The following TRERF1 variants were observed in gnomAD, a reference collection of about 807,000 sequenced individuals.
TRERF1 encodes the protein transcriptional regulating factor 1.
TRERF1 carries 27 observed loss-of-function variants against 122.9 expected under a neutral mutation model. That is an observed-to-expected ratio of 0.22 (90% CI 0.16 to 0.30). The LOEUF is 0.30. Among genes scored for constraint, TRERF1 ranks in the 10% least tolerant of loss-of-function variants. TRERF1 has a pLI of 1.00. For missense variants in TRERF1, 1,248 were observed against 1,560.3 expected (o/e 0.80, Z 3.37); for synonymous variants, 636 against 641.7 (o/e 0.99, Z 0.13).
At chr6:42,299,657 A>G (rs1216886248) in intron 4 of TRERF1, among the ~76,000 whole-genome samples, 1 of 152,226 alleles carries the variant, frequency 6.6e-6, no homozygotes, top group Non-Finnish European at 1.5e-5. Context: ...TCCAATATTT[A>G]AAGATGTTTT....
intron 3 of TRERF1, among the ~76,000 whole-genome samples, chr6:42,335,413 A>G (rs1765958728): frequency 6.6e-6 from 1 of 152,228 alleles, no homozygotes; most frequent in South Asian, 2.1e-4. Flanking sequence ...CTCATTTAGT[A>G]ACGCCACAAG....
chr6:42,386,464 A>G (rs1776837769), intron 2 of TRERF1, among the ~76,000 whole-genome samples: 1 of 152,188 alleles, frequency 6.6e-6, no homozygotes. Flanking sequence ...AAAGAAAGAA[A>G]GAAAAAAGCA....
chr6:42,370,393 G>A (rs1005275377), intron 2 of TRERF1, among the ~76,000 whole-genome samples: 4 of 152,008 alleles, frequency 2.6e-5, no homozygotes, highest in South Asian at 2.1e-4. Flanking sequence ...GTTATGTTTT[G>A]TTTACATAAC....
At chr6:42,293,964 G>A (rs899362112) in intron 4 of TRERF1, among the ~76,000 whole-genome samples, 1 of 152,064 alleles carries the variant, frequency 6.6e-6, no homozygotes, top group African/African-American at 2.4e-5. Flanking sequence ...CCAGGACACT[G>A]AACAATCTTG....
chr6:42,257,790 G>A (rs1777041915), intron 10 of TRERF1, among the ~76,000 whole-genome samples: 1 of 152,238 alleles, frequency 6.6e-6, no homozygotes, highest in South Asian at 2.1e-4. Context: ...AATTGGGGAG[G>A]AGGGAAGTGA....
Position 42,299,200 on chromosome 6 carries a change from T to TTCTATCTATCTA in TRERF1, c.-259+1426_-259+1437dup, listed in dbSNP as rs70987591. Among the ~76,000 whole-genome samples the TTCTATCTATCTA allele has an allele frequency of 5.5e-3, 805 of 146,698 alleles. 2 individuals carry two copies. Among genetic ancestry groups the TTCTATCTATCTA allele is most frequent in the South Asian group, 9.1e-3 (41 of 4,508 alleles). Reference sequence around the variant, plus strand: ...AAAAACACACATAGAGTCTGTTTTTTTCTATCTATCTATCTATCTATCTAT... The same window carrying TTCTATCTATCTA: ...AAAAACACACATAGAGTCTGTTTTTTTCTATCTATCTATCTATCTATCTATCTATCTATCTAT... On this transcript the variant is annotated intron_variant, in intron 4 of 17. Transcript: ENST00000372922.
intron 2 of TRERF1, among the ~76,000 whole-genome samples, chr6:42,365,478 T>C (rs964766140): frequency 5.3e-5 from 8 of 152,062 alleles, no homozygotes; most frequent in South Asian, 2.1e-4. Context: ...CATACTCCAC[T>C]CCCCTAATCC....
intron 4 of TRERF1, among the ~76,000 whole-genome samples, chr6:42,298,764 A>G (rs1281906270): frequency 6.6e-6 from 1 of 151,980 alleles, no homozygotes; most frequent in African/African-American, 2.4e-5. Context: ...ACATGGTGAA[A>G]TCCCATCTCT....
chr6:42,250,583 T>C (rs1199990135), intron 13 of TRERF1, among the ~76,000 whole-genome samples: 1 of 151,910 alleles, frequency 6.6e-6, no homozygotes, highest in Non-Finnish European at 1.5e-5. Context: ...ATCCTTCAAC[T>C]ACCCCCCACA....
chr6:42,268,049 G>A lies in TRERF1; in HGVS notation c.1437+105C>T. ...GGTTAATGTTTGTGGAATTAGTAAAGAACAAAAGGGTTGAGGGGGCTTGGA... is the reference window on the plus strand; with the variant it reads ...GGTTAATGTTTGTGGAATTAGTAAAAAACAAAAGGGTTGAGGGGGCTTGGA... On this transcript the variant is annotated intron_variant, in intron 5 of 17. Transcript: ENST00000372922. This position sits in a 1 kb window ranked among gnomAD's most constrained non-coding sequence, Gnocchi z 4.4. 3 of 1,304,996 alleles carry A rather than the reference G, an allele frequency of 2.3e-6. No homozygotes were observed. Among genetic ancestry groups the A allele is most frequent in the Non-Finnish European group, 3.0e-6 (3 of 1,004,764 alleles). 80.8% of individuals were successfully genotyped at this position (1,304,996 alleles called of 1,614,324 possible). A position where few individuals can be genotyped will look rare whatever the true frequency, so the allele number is the denominator to read the frequency against.
rs1053984985 is a variant in TRERF1 at position 42,447,756 on chromosome 6, G to A, written c.-454+3421C>T. 2.6e-5 allele frequency among the ~76,000 whole-genome samples: 4 copies of A among 152,152 alleles called. No homozygotes were observed. The South Asian group carries it at 8.3e-4, about 32-fold the overall frequency. On this transcript the variant is annotated intron_variant, in intron 2 of 17. Coordinates refer to ENST00000372922, the Ensembl canonical transcript of TRERF1. ...GTCTCGCTCTGTCACCCAGGCTGGAGTGCAATGGCATGATCTCGGCTCACT... is the reference window on the plus strand; with the variant it reads ...GTCTCGCTCTGTCACCCAGGCTGGAATGCAATGGCATGATCTCGGCTCACT...
In TRERF1 at chr6:42,386,570, A is replaced by T. The variant is rs77446636; in HGVS notation, c.-453-23491T>A. On this transcript the variant is annotated intron_variant, in intron 2 of 17. Coordinates refer to ENST00000372922, the Ensembl canonical transcript of TRERF1. ...GTAGCACTTGGCATGGAGCGTGGAC[A>T]AAAGGCACTGGATTAGAGAATTAAT... 5.3e-3 allele frequency among the ~76,000 whole-genome samples: 815 copies of T among 152,372 alleles called. 6 individuals carry two copies. The highest frequency in any genetic ancestry group is 0.018 in the African/African-American group (754 of 41,592).
Position 42,254,809 on chromosome 6 carries a change from G to A in TRERF1, c.2656+42C>T, listed in dbSNP as rs550280293. On this transcript the variant is annotated intron_variant, in intron 13 of 17. Coordinates refer to ENST00000372922, the Ensembl canonical transcript of TRERF1. ...ACACAACCGAACATGCAAGCAGCCCGTCGTCAGGAGGCAACAGGACACAGG... is the reference window on the plus strand; with the variant it reads ...ACACAACCGAACATGCAAGCAGCCCATCGTCAGGAGGCAACAGGACACAGG... 589 of 1,577,280 alleles carry A rather than the reference G, an allele frequency of 3.7e-4. 8 individuals carry two copies. In the South Asian group the frequency reaches 5.7e-3, roughly 15 times the overall value.
intron 3 of TRERF1, among the ~76,000 whole-genome samples, chr6:42,314,144 A>G (rs1762122144): frequency 6.6e-6 from 1 of 152,062 alleles, no homozygotes. Context: ...CAAACTAATT[A>G]CTTTTAGACA....
intron 3 of TRERF1, among the ~76,000 whole-genome samples, chr6:42,328,931 G>A (rs771751843): frequency 1.3e-4 from 20 of 152,034 alleles, no homozygotes; most frequent in African/African-American, 3.9e-4. Context: ...CCAGGTCTCC[G>A]GGAAGTCACT....
chr6:42,375,176 G>A (rs369913006), intron 2 of TRERF1, among the ~76,000 whole-genome samples: 1 of 152,060 alleles, frequency 6.6e-6, no homozygotes, highest in Admixed American at 6.5e-5. Context: ...ACACAATGGG[G>A]CGCCAACAAA....
chr6:42,251,009 T>TC (rs895424481), intron 13 of TRERF1, among the ~76,000 whole-genome samples: 3 of 145,820 alleles, frequency 2.1e-5, no homozygotes, highest in African/African-American at 7.6e-5. Context: ...TTTTTTTTTT[T>TC]TTTTTGAGAC....
chr6:42,359,963 C>G (rs878869052), intron 3 of TRERF1, among the ~76,000 whole-genome samples: 1 of 151,964 alleles, frequency 6.6e-6, no homozygotes, highest in African/African-American at 2.4e-5. Flanking sequence ...AAAAAAACTT[C>G]GGTAAAAAAA....
chr6:42,299,116 C>CTCTATCTA (rs1554152190), intron 4 of TRERF1, among the ~76,000 whole-genome samples: 40 of 141,786 alleles, frequency 2.8e-4, no homozygotes, highest in Admixed American at 1.2e-3. Context: ...GTCTGTCTGT[C>CTCTATCTA]TCTATCTATC....
Sources: allele counts gnomAD v4.1 joint callset (sites outside exome capture counted in the v4.1 genomes callset), GRCh38; gene constraint gnomAD v4.1.1; non-coding constraint Gnocchi (gnomAD v3.1); transcripts MANE v1.5; gene names NCBI Gene and HGNC (gene_info 2026-07-23, HGNC 2026-07-21).